The following ENOX2 variants were observed in gnomAD, a reference collection of about 807,000 sequenced individuals.
The protein encoded by ENOX2 is APK1 antigen.
A neutral mutation model predicts 45.0 loss-of-function variants in ENOX2; 36 were observed. That is an observed-to-expected ratio of 0.80 (90% confidence interval 0.61 to 1.06). The LOEUF (loss-of-function observed/expected upper bound fraction) is 1.06, where lower values mean the gene tolerates loss of function less well. Among genes scored for constraint, ENOX2 ranks in the 50% least tolerant of loss-of-function variants. The probability of loss-of-function intolerance (pLI) is 0.00; values close to 1 mark genes in which losing one functional copy is unlikely to be tolerated. For missense variants in ENOX2, 423 were observed against 462.5 expected, an observed-to-expected ratio of 0.91 and a Z score of 0.78; for synonymous variants, 174 against 152.3, an observed-to-expected ratio of 1.14 and a Z score of -1.05.
At chrX:130,638,308 C>T (rs1569478404) in intron 10 of ENOX2, among the ~76,000 whole-genome samples, 1 of 109,856 alleles carries the variant, frequency 9.1e-6, no homozygotes, top group Non-Finnish European at 1.9e-5. Context: ...CCTTGTGATC[C>T]GCCTGCCTCA....
At chrX:130,857,649 A>T (rs185312954) in intron 2 of ENOX2, among the ~76,000 whole-genome samples, 31 of 111,669 alleles carry the variant, frequency 2.8e-4, no homozygotes, top group African/African-American at 9.7e-4. Context: ...CATACACACA[A>T]ATAATAAATA....
intron 5 of ENOX2, 125 bp from the exon 6 acceptor site, chrX:130,679,873 T>A (rs12836884): frequency 2.0e-6 from 1 of 493,869 alleles, no homozygotes; most frequent in African/African-American, 2.4e-5. Flanking sequence ...GGATGTGGCC[T>A]CTGAGGTGTT....
At chrX:130,746,956 T>C (rs770401432) in intron 3 of ENOX2, among the ~76,000 whole-genome samples, 15 of 111,981 alleles carry the variant, frequency 1.3e-4, no homozygotes, top group Non-Finnish European at 2.8e-4. Flanking sequence ...GAGTATAACA[T>C]GGGTTGCTGA....
At chrX:130,834,641 T>C (rs935964218) in intron 2 of ENOX2, among the ~76,000 whole-genome samples, 3 of 110,952 alleles carry the variant, frequency 2.7e-5, no homozygotes, top group African/African-American at 9.8e-5. Context: ...TCTGATCTCA[T>C]ATATACATTG....
intron 2 of ENOX2, among the ~76,000 whole-genome samples, chrX:130,819,361 A>G (rs776216316): frequency 1.6e-4 from 18 of 111,831 alleles, no homozygotes; most frequent in Non-Finnish European, 2.6e-4. Context: ...TTGACCCGGC[A>G]ATCTCATTAC....
chrX:130,698,331 C>CT (rs1208792561), intron 4 of ENOX2, among the ~76,000 whole-genome samples: 9 of 103,504 alleles, frequency 8.7e-5, no homozygotes, highest in East Asian at 3.0e-4. Flanking sequence ...ACGCCTCGGT[C>CT]TTTTTTTTTT....
chrX:130,873,066 A>G, intron 2 of ENOX2, among the ~76,000 whole-genome samples: 1 of 112,192 alleles, frequency 8.9e-6, no homozygotes, highest in South Asian at 3.7e-4. Flanking sequence ...AAAACTAAAG[A>G]GCTTTTGCAC....
intron 1 of ENOX2, among the ~76,000 whole-genome samples, chrX:130,902,259 T>G (rs183922420): frequency 1.4e-4 from 16 of 111,891 alleles, no homozygotes; most frequent in African/African-American, 5.2e-4. Context: ...CCCTAAATGT[T>G]TGTCAACATT....
chrX:130,808,914 A>C (rs958500867), intron 2 of ENOX2, among the ~76,000 whole-genome samples: 2 of 112,194 alleles, frequency 1.8e-5, no homozygotes, highest in African/African-American at 6.5e-5. Context: ...TATCTTTCTT[A>C]GTATATCATA....
chrX:130,823,155 C>A (rs2077650224), intron 2 of ENOX2, among the ~76,000 whole-genome samples: 1 of 112,041 alleles, frequency 8.9e-6, no homozygotes, highest in Non-Finnish European at 1.9e-5. Context: ...CCACACTAAA[C>A]TCCTCTAACA....
chrX:130,708,007 A>C (rs763791285), intron 3 of ENOX2, among the ~76,000 whole-genome samples: 13 of 112,263 alleles, frequency 1.2e-4, no homozygotes, highest in Non-Finnish European at 2.4e-4. Flanking sequence ...TATTAGGGTG[A>C]GTCAAAGAGA....
chrX:130,646,040 C>G, intron 10 of ENOX2: 1 of 563,904 alleles, frequency 1.8e-6, no homozygotes, highest in Non-Finnish European at 3.2e-6. Flanking sequence ...GCTGTAACGT[C>G]AACGTCCCTA....
intron 2 of ENOX2, among the ~76,000 whole-genome samples, chrX:130,885,060 A>T (rs184333922): frequency 4.4e-5 from 5 of 112,553 alleles, no homozygotes; most frequent in Non-Finnish European, 9.4e-5. Context: ...TGTACACATT[A>T]ATCAAAACAC....
chrX:130,664,411 C>T (rs1390513212), intron 9 of ENOX2, among the ~76,000 whole-genome samples: 1 of 112,317 alleles, frequency 8.9e-6, no homozygotes, highest in Non-Finnish European at 1.9e-5. Flanking sequence ...AATTTCTAGT[C>T]CATTTGCTAG....
chrX:130,787,250 G>A (rs2076984523), intron 2 of ENOX2, among the ~76,000 whole-genome samples: 2 of 111,924 alleles, frequency 1.8e-5, no homozygotes, highest in Admixed American at 1.9e-4. Context: ...CCATTTCCCT[G>A]ACTTATTAAG....
intron 2 of ENOX2, among the ~76,000 whole-genome samples, chrX:130,863,018 C>G (rs866382664): frequency 9.0e-6 from 1 of 111,538 alleles, no homozygotes; most frequent in African/African-American, 3.3e-5. Context: ...AGGTACACAG[C>G]ACTACCCTCT....
chrX:130,759,327 T>A (rs138091006), intron 3 of ENOX2, among the ~76,000 whole-genome samples: 322 of 110,943 alleles, frequency 2.9e-3, no homozygotes, highest in Non-Finnish European at 4.3e-3. Flanking sequence ...GAATTGTTTT[T>A]GCACATTTGA....
rs776024219 is a variant in ENOX2, at chrX:130,803,404, C to T, written c.-182-19714G>A. Among the ~76,000 whole-genome samples, 7 of 111,763 alleles carry T rather than the reference C, an allele frequency of 6.3e-5. No homozygotes were observed. The South Asian group carries it at 2.6e-3, about 42-fold the overall frequency. ...GTTAAAATACATGTTACTTCCATTG[C>T]TTCCTGGACCACCACAAAAGAGAGC... On this transcript the variant is annotated intron_variant, in intron 2 of 14. Transcript: ENST00000394363.
intron 2 of ENOX2, among the ~76,000 whole-genome samples, chrX:130,814,833 C>T (rs1252270128): frequency 1.8e-5 from 2 of 111,568 alleles, no homozygotes; most frequent in Non-Finnish European, 3.8e-5. Flanking sequence ...ACCAGAACGC[C>T]TCTTTTCCTT....
Sources: allele counts gnomAD v4.1 joint callset (sites outside exome capture counted in the v4.1 genomes callset), GRCh38; gene constraint gnomAD v4.1.1; transcripts MANE v1.5; gene names NCBI Gene and HGNC (gene_info 2026-07-23, HGNC 2026-07-21).